The following GLIS3 variants were observed in gnomAD, a reference collection of about 807,000 sequenced individuals.
The protein encoded by GLIS3 is GLIS family zinc finger 3.
In GLIS3, 53 loss-of-function variants were observed where a neutral mutation model predicts 78.6. The ratio of observed to expected loss-of-function variants is 0.67; its 90% confidence interval spans 0.54 to 0.85. The LOEUF (loss-of-function observed/expected upper bound fraction) is 0.85. GLIS3 is among the 40% of genes least tolerant of loss of function. The pLI is 0.00. For synonymous variants in GLIS3, 684 were observed against 509.9 expected (o/e 1.34, Z -4.60); for missense variants, 1,703 against 1,231.1 (o/e 1.38, Z -5.74).
intron 3 of GLIS3, chr9:4,310,316 C>T (rs751697125): frequency 3.3e-5 from 5 of 152,132 alleles, no homozygotes; most frequent in Non-Finnish European, 7.3e-5. Flanking sequence ...TATAATCCCT[C>T]TTCTATACTG....
intron 2 of GLIS3, among the ~76,000 whole-genome samples, chr9:4,258,097 G>A (rs1825152896): frequency 1.3e-5 from 2 of 152,076 alleles, no homozygotes; most frequent in African/African-American, 4.8e-5. Flanking sequence ...AACAGCAGTA[G>A]GGCTAGGGTT....
At chr9:3,833,123 G>C (rs921055132) in intron 9 of GLIS3, among the ~76,000 whole-genome samples, 9 of 152,174 alleles carry the variant, frequency 5.9e-5, no homozygotes, top group Non-Finnish European at 1.3e-4. Context: ...TGAGCGAGGA[G>C]GACAGAGTAG....
intron 4 of GLIS3, among the ~76,000 whole-genome samples, chr9:4,081,664 C>G (rs73392530): frequency 6.6e-6 from 1 of 152,168 alleles, no homozygotes; most frequent in Non-Finnish European, 1.5e-5. Flanking sequence ...TAGCAACCAG[C>G]CTATCGTGAC....
At chr9:4,385,723 GAA>G in the GLIS3 span, among the ~76,000 whole-genome samples, 36 of 25,280 alleles carry the variant, frequency 1.4e-3, 11 homozygotes, top group Non-Finnish European at 2.8e-3. Flanking sequence ...GAGAGAGAGA[GAA>G]AGAAAGAAAG....
At chr9:4,425,681 G>C in the GLIS3 span, among the ~76,000 whole-genome samples, 2 of 152,162 alleles carry the variant, frequency 1.3e-5, no homozygotes, top group Non-Finnish European at 2.9e-5. Context: ...AACCTCCTGG[G>C]ACAGAAGCTC....
intron 8 of GLIS3, among the ~76,000 whole-genome samples, chr9:3,862,693 G>A (rs10973877): frequency 0.53 from 81,209 of 151,918 alleles, 22,272 homozygotes; most frequent in East Asian, 0.9. Flanking sequence ...GAAGGAATTT[G>A]TGTTTTTACA....
chr9:3,964,467 C>G (rs1364227633), intron 4 of GLIS3, among the ~76,000 whole-genome samples: 1 of 152,194 alleles, frequency 6.6e-6, no homozygotes, highest in Admixed American at 6.5e-5. Flanking sequence ...CTGAAATTTT[C>G]TTTTCTAATT....
chr9:4,460,662 T>A, the GLIS3 span, among the ~76,000 whole-genome samples: 1 of 148,510 alleles, frequency 6.7e-6, no homozygotes, highest in South Asian at 2.1e-4. Context: ...AAAACAGTAG[T>A]AATGTAAGGC....
At chr9:4,354,977 G>A in the GLIS3 span, among the ~76,000 whole-genome samples, 159 of 151,952 alleles carry the variant, frequency 1.0e-3, no homozygotes, top group Non-Finnish European at 1.6e-3. Flanking sequence ...TTACCCAGGC[G>A]TGGTGGCGGG....
intron 2 of GLIS3, among the ~76,000 whole-genome samples, chr9:4,178,550 C>A (rs187061774): frequency 4.2e-4 from 64 of 152,320 alleles, no homozygotes; most frequent in African/African-American, 1.4e-3. Context: ...TTGCTTGTTT[C>A]ATGGTTTTGC....
intron 2 of GLIS3, among the ~76,000 whole-genome samples, chr9:4,207,263 C>T (rs1819966710): frequency 6.6e-6 from 1 of 152,174 alleles, no homozygotes; most frequent in Non-Finnish European, 1.5e-5. Flanking sequence ...GGAAGGTGGA[C>T]TCTGCCAGCC....
At chr9:4,463,791 T>C in the GLIS3 span, among the ~76,000 whole-genome samples, 3 of 152,328 alleles carry the variant, frequency 2.0e-5, no homozygotes, top group Admixed American at 2.0e-4. Flanking sequence ...TTCTGTTTCT[T>C]ATATAAAATT....
chr9:4,069,584 T>C (rs954075231), intron 4 of GLIS3, among the ~76,000 whole-genome samples: 2 of 152,172 alleles, frequency 1.3e-5, no homozygotes, highest in African/African-American at 4.8e-5. Flanking sequence ...TAGCTTGTTG[T>C]TTTTTCCAGA....
At chr9:3,837,364 A>T (rs1408598398) in intron 9 of GLIS3, among the ~76,000 whole-genome samples, 1 of 152,246 alleles carries the variant, frequency 6.6e-6, no homozygotes, top group Non-Finnish European at 1.5e-5. Flanking sequence ...GGTTGGCAGT[A>T]TCTTGCAAAA....
chr9:3,892,896 A>T (rs1486102684), intron 7 of GLIS3, among the ~76,000 whole-genome samples: 1 of 152,184 alleles, frequency 6.6e-6, no homozygotes, highest in Non-Finnish European at 1.5e-5. Flanking sequence ...ACCTCAGAGT[A>T]TAATAGACTC....
chr9:4,159,205 T>G (rs558695989), intron 2 of GLIS3, among the ~76,000 whole-genome samples: 1 of 152,088 alleles, frequency 6.6e-6, no homozygotes, highest in Non-Finnish European at 1.5e-5. Context: ...CATATATGAT[T>G]CTCATGGTTA....
intron 2 of GLIS3, among the ~76,000 whole-genome samples, chr9:4,331,816 G>C (rs928462597): frequency 1.3e-5 from 2 of 152,176 alleles, no homozygotes; most frequent in Non-Finnish European, 2.9e-5. Context: ...GAGAGACATT[G>C]GGAGTGGTTC....
intron 3 of GLIS3, chr9:4,309,109 C>G (rs963304523): frequency 6.6e-6 from 1 of 152,180 alleles, no homozygotes; most frequent in African/African-American, 2.4e-5. Flanking sequence ...AAAACAGAAT[C>G]AGCCTGCATC....
chr9:4,119,687 A>G (rs534613109), intron 3 of GLIS3, among the ~76,000 whole-genome samples: 1 of 152,338 alleles, frequency 6.6e-6, no homozygotes, highest in East Asian at 1.9e-4. Context: ...CCAAGAGCAG[A>G]TCGTTCACTT....
Sources: allele counts gnomAD v4.1 joint callset (sites outside exome capture counted in the v4.1 genomes callset), GRCh38; gene constraint gnomAD v4.1.1; transcripts MANE v1.5; gene names NCBI Gene and HGNC (gene_info 2026-07-23, HGNC 2026-07-21).